Variants in RYR2 observed in about 807,000 individuals in gnomAD.
RYR2 encodes ryanodine receptor 2, also known as cardiac muscle ryanodine receptor-calcium release channel.
In RYR2, 227 loss-of-function variants were observed where a neutral mutation model predicts 601.1. That is an observed-to-expected ratio of 0.38 (90% confidence interval 0.34 to 0.42). The LOEUF is 0.42. Ranked by LOEUF, RYR2 falls within the 10% of genes least tolerant of loss-of-function variation. The probability of loss-of-function intolerance (pLI) is 1.00; values close to 1 mark genes in which losing one functional copy is unlikely to be tolerated. For missense variants in RYR2, 4,646 were observed against 6,156.5 expected (o/e 0.75, Z 8.21); for synonymous variants, 2,223 against 2,175.1 (o/e 1.02, Z -0.61).
Position 237,786,055 on chromosome 1 carries a change from T to C in RYR2, c.13328+19T>C, listed in dbSNP as rs1205680886. The C allele has an allele frequency of 1.3e-6, 2 of 1,499,318 alleles. No homozygotes were observed. Among genetic ancestry groups the C allele is most frequent in the Non-Finnish European group, 1.8e-6 (2 of 1,093,032 alleles). 92.9% of individuals were successfully genotyped at this position (1,499,318 alleles called of 1,614,324 possible). On this transcript the variant is annotated intron_variant, in intron 91 of 104. Coordinates refer to ENST00000366574, the MANE Select transcript of RYR2 (RefSeq NM_001035.3). ...AAGCCGAGTATGTATAGTTTGCATA[T>C]ACTTTTCCTTCGTTTCAGTTTGTCA...
chr1:237,432,616 AATTAG>A (rs1446810509), intron 12 of RYR2, among the ~76,000 whole-genome samples: 1 of 152,120 alleles, frequency 6.6e-6, no homozygotes, highest in Non-Finnish European at 1.5e-5. Flanking sequence ...GTGTCTTTCC[AATTAG>A]GGCTGTCTCT....
chr1:237,359,057 G>C (rs1000527801), intron 4 of RYR2, among the ~76,000 whole-genome samples: 1 of 152,070 alleles, frequency 6.6e-6, no homozygotes, highest in Non-Finnish European at 1.5e-5. Flanking sequence ...TCCAGTTAGG[G>C]TGAGGTTATA....
At position 237,819,974 on chromosome 1, in the gene RYR2, G is replaced by C. The variant is rs1038053475; in HGVS notation, c.14590+782G>C. 6.6e-6 allele frequency among the ~76,000 whole-genome samples: 1 copy of C among 152,070 alleles called. No homozygotes were observed. The highest frequency in any genetic ancestry group is 1.5e-5 in the Non-Finnish European group (1 of 68,012). On this transcript the variant is annotated intron_variant, in intron 101 of 104. Transcript: ENST00000366574. The surrounding 1 kb of genome is among the most constrained non-coding windows in gnomAD (Gnocchi z 4.0). ...GACTGAGGTGGGTGGATCACTTGAGGTCTGGAGTTCAAGACCAGCCTGGCC... is the reference window on the plus strand; with the variant it reads ...GACTGAGGTGGGTGGATCACTTGAGCTCTGGAGTTCAAGACCAGCCTGGCC...
chr1:237,693,588 A>G (rs1347286240), intron 63 of RYR2, among the ~76,000 whole-genome samples: 5 of 152,208 alleles, frequency 3.3e-5, no homozygotes, highest in Admixed American at 2.6e-4. Flanking sequence ...AACCCAATGT[A>G]TAACATCATT....
At chr1:237,056,529 A>C (rs1339249338) in intron 1 of RYR2, among the ~76,000 whole-genome samples, 245 of 142,194 alleles carry the variant, frequency 1.7e-3, no homozygotes, top group Non-Finnish European at 2.7e-3. Context: ...GGACTGGAGC[A>C]CTGCGTCTGT....
chr1:237,168,974 T>G (rs1353036074), intron 1 of RYR2, among the ~76,000 whole-genome samples: 2 of 152,160 alleles, frequency 1.3e-5, no homozygotes, highest in Non-Finnish European at 2.9e-5. Flanking sequence ...AAGAACAGAG[T>G]TGATTACATG....
intron 1 of RYR2, among the ~76,000 whole-genome samples, chr1:237,133,327 A>C (rs1448954339): frequency 6.6e-6 from 1 of 152,168 alleles, no homozygotes; most frequent in Admixed American, 6.5e-5. Flanking sequence ...TGAATGTGAT[A>C]ATCTGTGTGA....
At chr1:237,778,611 T>C (rs1278986772) in intron 87 of RYR2, 55 bp from the exon 88 acceptor site, 9 of 912,700 alleles carry the variant, frequency 9.9e-6, no homozygotes, top group Non-Finnish European at 1.6e-5. Context: ...TTGTACAGTT[T>C]GTTTTGGCAA....
At chr1:237,378,110 C>T (rs1388376856) in intron 8 of RYR2, among the ~76,000 whole-genome samples, 2 of 152,158 alleles carry the variant, frequency 1.3e-5, no homozygotes, top group African/African-American at 4.8e-5. Flanking sequence ...TGGCAGCAGA[C>T]AAGAGACAAG....
chr1:237,632,114 C>A (rs566521699), intron 42 of RYR2, among the ~76,000 whole-genome samples: 1 of 151,682 alleles, frequency 6.6e-6, no homozygotes, highest in South Asian at 2.1e-4. Flanking sequence ...CTAAATTATT[C>A]TCTTTTAGGG....
chr1:237,462,489 T>C (rs1429890654), intron 16 of RYR2, among the ~76,000 whole-genome samples: 1 of 152,168 alleles, frequency 6.6e-6, no homozygotes, highest in African/African-American at 2.4e-5. Context: ...ACACGATTAA[T>C]CTGTGGGATG....
At chr1:237,442,022 G>A (rs1233252754) in intron 13 of RYR2, among the ~76,000 whole-genome samples, 1 of 152,212 alleles carries the variant, frequency 6.6e-6, no homozygotes, top group African/African-American at 2.4e-5. Flanking sequence ...TGAAACCATA[G>A]TAGGTGCTCA....
At chr1:237,187,396 C>T (rs955660634) in intron 1 of RYR2, among the ~76,000 whole-genome samples, 2 of 145,974 alleles carry the variant, frequency 1.4e-5, no homozygotes, top group Non-Finnish European at 3.0e-5. Flanking sequence ...CTGCCTCGGC[C>T]TCCCAAAGTG....
chr1:237,727,810 G>A (rs986533235), intron 76 of RYR2, among the ~76,000 whole-genome samples: 12 of 152,202 alleles, frequency 7.9e-5, no homozygotes, highest in Admixed American at 6.5e-5. Context: ...TAGACATAGA[G>A]CAGACATACT....
chr1:237,507,551 C>A (rs1282611879), intron 23 of RYR2, among the ~76,000 whole-genome samples: 3 of 152,124 alleles, frequency 2.0e-5, no homozygotes, highest in African/African-American at 7.2e-5. Context: ...GCATTGAGCT[C>A]TGAATAAAGA....
At chr1:237,766,240 A>T (rs1033331112) in intron 84 of RYR2, among the ~76,000 whole-genome samples, 9 of 152,176 alleles carry the variant, frequency 5.9e-5, no homozygotes, top group African/African-American at 2.2e-4. Context: ...ATACCACTTA[A>T]GTGATACTAT....
chr1:237,123,987 G>A (rs983408076), intron 1 of RYR2, among the ~76,000 whole-genome samples: 4 of 152,154 alleles, frequency 2.6e-5, no homozygotes, highest in African/African-American at 9.7e-5. Context: ...TAATGCTATA[G>A]CTGTCTCTTT....
At chr1:237,609,793 C>G (rs929605329) in intron 35 of RYR2, among the ~76,000 whole-genome samples, 2 of 152,264 alleles carry the variant, frequency 1.3e-5, no homozygotes, top group African/African-American at 2.4e-5. Flanking sequence ...CATGACATCT[C>G]TTTTAAAATA....
rs988938565 is a variant in RYR2 at position 237,660,165 on chromosome 1, CTTTAT to C, written c.8298+96_8298+100del. The C allele has an allele frequency of 3.5e-5, 23 of 648,382 alleles. No individual in the cohort carries two copies. The East Asian group carries it at 4.5e-4, about 13-fold the overall frequency. The allele number at this position is 648,382 out of a possible 1,614,324, so 40.2% of individuals were successfully genotyped here. On this transcript the variant is annotated intron_variant, in intron 55 of 104. Coordinates refer to ENST00000366574, the MANE Select transcript of RYR2 (RefSeq NM_001035.3). The stretch of plus-strand genomic sequence containing the variant: ...TATATTTTTTATATTAAAATGTCTT[CTTTAT>C]TTTAAATTTCACATTTTTTCTTCCA...
Sources: gnomAD v4.1 joint callset for allele counts (sites outside exome capture counted in the v4.1 genomes callset) on GRCh38, gnomAD v4.1.1 for gene constraint, Gnocchi (gnomAD v3.1) non-coding constraint, MANE v1.5 for transcripts, NCBI Gene and HGNC (gene_info 2026-07-23, HGNC 2026-07-21) for gene names.